PIGU: variants seen among roughly 807,000 people sequenced by gnomAD.
PIGU encodes the protein GPI-anchor transamidase component PIGU.
In PIGU, 24 loss-of-function variants were observed where a neutral mutation model predicts 49.9. That is an observed-to-expected ratio of 0.48 (90% CI 0.35 to 0.68). The LOEUF (loss-of-function observed/expected upper bound fraction) is 0.68, where lower values mean the gene tolerates loss of function less well. PIGU is among the 30% of genes least tolerant of loss of function. The pLI, the probability that PIGU is intolerant of heterozygous loss-of-function variation, is 0.01. For missense variants in PIGU, 490 were observed against 532.6 expected (o/e 0.92, Z 0.79); for synonymous variants, 220 against 205.7 (o/e 1.07, Z -0.59).
intron 1 of PIGU, among the ~76,000 whole-genome samples, chr20:34,664,997 G>A (rs1262971932): frequency 6.6e-6 from 1 of 151,606 alleles, no homozygotes; most frequent in Non-Finnish European, 1.5e-5. Context: ...GAAAAAAAAA[G>A]TATAGGAAGA....
At position 34,610,443 on chromosome 20, in the gene PIGU, C is replaced by T. The variant is rs183620139; in HGVS notation, c.627+5599G>A. 7.7e-3 allele frequency among the ~76,000 whole-genome samples: 1,177 copies of T among 152,222 alleles called. 53 individuals carry two copies. Among genetic ancestry groups the T allele is most frequent in the Admixed American group, 0.068 (1,037 of 15,296 alleles). On this transcript the variant is annotated intron_variant, in intron 7 of 11. Coordinates refer to ENST00000217446, the MANE Select transcript of PIGU (RefSeq NM_080476.5). ...AGCAAAGCGCCAAATCATGAGTGAA[C>T]GCCCATTCACAATTGCTACAATGAG... is the stretch of plus-strand genomic sequence containing the variant.
At chr20:34,643,579 T>C (rs923547297) in intron 4 of PIGU, 3 of 152,344 alleles carry the variant, frequency 2.0e-5, no homozygotes, top group African/African-American at 7.2e-5. Flanking sequence ...GGTTAATCTG[T>C]TAACTTTCTC....
At chr20:34,561,235 G>A (rs188022058) in intron 11 of PIGU, among the ~76,000 whole-genome samples, 11 of 152,152 alleles carry the variant, frequency 7.2e-5, no homozygotes, top group South Asian at 2.1e-4. Flanking sequence ...CTCTGGCCTC[G>A]AATGCCAGCC....
chr20:34,631,228 A>T (rs1252921738), intron 6 of PIGU, among the ~76,000 whole-genome samples: 2 of 152,162 alleles, frequency 1.3e-5, no homozygotes, highest in African/African-American at 4.8e-5. Flanking sequence ...GAGGAGCTGG[A>T]AGATAAAAAC....
chr20:34,575,274 C>G, intron 10 of PIGU, 28 bp from the exon 11 acceptor site: 1 of 1,606,796 alleles, frequency 6.2e-7, no homozygotes, highest in South Asian at 1.1e-5. Flanking sequence ...TACAGTTAGC[C>G]TGACACGCTC....
intron 2 of PIGU, among the ~76,000 whole-genome samples, chr20:34,648,096 A>T (rs199986664): frequency 6.6e-6 from 1 of 152,108 alleles, no homozygotes; most frequent in South Asian, 2.1e-4. Context: ...CAAAATATTT[A>T]AAAAATTAGC....
intron 7 of PIGU, among the ~76,000 whole-genome samples, chr20:34,601,324 A>G (rs1046264587): frequency 6.6e-6 from 1 of 152,212 alleles, no homozygotes; most frequent in African/African-American, 2.4e-5. Flanking sequence ...CCCTAAAACG[A>G]TAAAGTAATT....
chr20:34,622,237 G>A (rs8123591), intron 6 of PIGU, among the ~76,000 whole-genome samples: 2,493 of 152,122 alleles, frequency 0.016, 84 homozygotes, highest in African/African-American at 0.058. Context: ...GTTACAATCC[G>A]GCTGGGCGTG....
At chr20:34,658,165 G>C (rs1456130527) in intron 1 of PIGU, among the ~76,000 whole-genome samples, 1 of 152,240 alleles carries the variant, frequency 6.6e-6, no homozygotes, top group Non-Finnish European at 1.5e-5. Flanking sequence ...ACTGGTTTTC[G>C]TATTTTTTTG....
Position 34,676,951 on chromosome 20 carries a change from C to G in PIGU, c.130+5G>C, listed in dbSNP as rs1251799794. 1 of 1,567,654 alleles carries G rather than the reference C, an allele frequency of 6.4e-7. No individual in the cohort carries two copies. The highest frequency in any genetic ancestry group is 1.3e-5 in the African/African-American group (1 of 74,306). On this transcript the variant is annotated splice_donor_5th_base_variant and intron_variant, in intron 1 of 11. Transcript: ENST00000217446. ...CTGACAGTCTGCTCGAGCCAGTGGC[C>G]TCACCTCTCTTCCAAGAGCTCAGTG...
At chr20:34,580,066 G>A (rs1453691805) in intron 10 of PIGU, among the ~76,000 whole-genome samples, 1 of 152,210 alleles carries the variant, frequency 6.6e-6, no homozygotes. Context: ...CCAGGAATCG[G>A]AGTCAAGTGA....
intron 2 of PIGU, among the ~76,000 whole-genome samples, chr20:34,647,343 C>A (rs1389206787): frequency 6.6e-6 from 1 of 150,886 alleles, no homozygotes; most frequent in Non-Finnish European, 1.5e-5. Flanking sequence ...CTCACTGTAA[C>A]CTCCACCTCC....
At position 34,637,898 on chromosome 20, in the gene PIGU, T is replaced by C; in HGVS notation, c.406A>G (p.Ile136Val). 1 of 1,610,802 alleles carries C rather than the reference T, an allele frequency of 6.2e-7. No homozygotes were observed. The highest frequency in any genetic ancestry group is 8.5e-7 in the Non-Finnish European group (1 of 1,178,740). The change falls in exon 5 of 12, where the codon ATC becomes GTC. Residue 136 changes from isoleucine to valine, a missense_variant. Transcript: ENST00000217446. ...LIRTPMEMRY[I>V]PLKVALFYLL... ...TACAACAGGGCCACTTTCAAAGGGA[T>C]GTAACGCATTTCCATAGGGGTCCGG...
chr20:34,666,737 C>T (rs1987113680), intron 1 of PIGU, among the ~76,000 whole-genome samples: 1 of 140,698 alleles, frequency 7.1e-6, no homozygotes, highest in Non-Finnish European at 1.5e-5. Context: ...CGCTCTGTCA[C>T]CCAGGCTGGA....
chr20:34,625,164 G>A (rs1568645540), intron 6 of PIGU, among the ~76,000 whole-genome samples: 1 of 152,086 alleles, frequency 6.6e-6, no homozygotes, highest in Non-Finnish European at 1.5e-5. Flanking sequence ...CTGAGGTCAG[G>A]AGTACAAGAC....
chr20:34,676,809 A>G lies in PIGU; in HGVS notation c.130+147T>C, dbSNP rs1463669691. On this transcript the variant is annotated intron_variant, in intron 1 of 11. Transcript: ENST00000217446. Reference sequence around the variant, plus strand: ...CCCTCCCCTCACCAGCCCCGCCCTCAGGCCCCGCCCTCTCCAAGAACCCCA... The same window carrying G: ...CCCTCCCCTCACCAGCCCCGCCCTCGGGCCCCGCCCTCTCCAAGAACCCCA... 1.6e-5 allele frequency: 8 copies of G among 513,236 alleles called. No individual in the cohort carries two copies. The African/African-American group carries it at 2.4e-4, about 15-fold the overall frequency. The allele number at this position is 513,236 out of a possible 1,614,324, so 31.8% of individuals were successfully genotyped here. A position where few individuals can be genotyped will look rare whatever the true frequency, so the allele number is the denominator to read the frequency against.
chr20:34,670,032 G>C (rs1987256531), intron 1 of PIGU, among the ~76,000 whole-genome samples: 1 of 152,188 alleles, frequency 6.6e-6, no homozygotes, highest in South Asian at 2.1e-4. Context: ...CTTATGAAAA[G>C]AGTGAGGGGA....
chr20:34,650,700 C>CTTTTTTTTTTTTTTTTTTTT lies in PIGU; in HGVS notation c.196-5386_196-5367dup, dbSNP rs59998699. 7.5e-4 allele frequency among the ~76,000 whole-genome samples: 29 copies of CTTTTTTTTTTTTTTTTTTTT among 38,796 alleles called. 8 individuals carry two copies. Among genetic ancestry groups the CTTTTTTTTTTTTTTTTTTTT allele is most frequent in the South Asian group, 2.2e-3 (2 of 904 alleles). 25.5% of individuals were successfully genotyped at this position (38,796 alleles called of 152,430 possible). ...AATTTTTTTCCTTTTCTTTTTTTCTCTTTTTTTTTTTTTTTTTTTTTTTTT... is the reference window on the plus strand; with the variant it reads ...AATTTTTTTCCTTTTCTTTTTTTCTCTTTTTTTTTTTTTTTTTTTTTTTTTTTTTTTTTTTTTTTTTTTTT... On this transcript the variant is annotated intron_variant, in intron 2 of 11. Transcript: ENST00000217446.
chr20:34,614,854 TAAGA>T (rs150131133), intron 7 of PIGU, among the ~76,000 whole-genome samples: 26 of 152,332 alleles, frequency 1.7e-4, no homozygotes, highest in African/African-American at 5.8e-4. Context: ...TGCTTGTGAT[TAAGA>T]AAGGCTCTGA....
Sources: gnomAD v4.1 joint callset for allele counts (sites outside exome capture counted in the v4.1 genomes callset) on GRCh38, gnomAD v4.1.1 for gene constraint, MANE v1.5 for transcripts, NCBI Gene and HGNC (gene_info 2026-07-23, HGNC 2026-07-21) for gene names.